Variants in IGFBP3 observed in about 807,000 individuals in gnomAD.
The protein encoded by IGFBP3 is insulin like growth factor binding protein 3.
IGFBP3 carries 9 observed loss-of-function variants against 28.6 expected under a neutral mutation model. The observed-to-expected ratio is 0.31, with a 90% CI of 0.19 to 0.55. The LOEUF (loss-of-function observed/expected upper bound fraction) is 0.55, where lower values mean the gene tolerates loss of function less well. Ranked by LOEUF, IGFBP3 falls within the 20% of genes least tolerant of loss-of-function variation. The pLI, the probability that IGFBP3 is intolerant of heterozygous loss-of-function variation, is 0.93. For synonymous variants in IGFBP3, 185 were observed against 188.2 expected, an observed-to-expected ratio of 0.98 and a Z score of 0.14; for missense variants, 382 against 428.9, an observed-to-expected ratio of 0.89 and a Z score of 0.97.
At chr7:45,914,042 A>G (rs1237828312) in intron 4 of IGFBP3, 1 of 152,200 alleles carries the variant, frequency 6.6e-6, no homozygotes. Context: ...TTACCCTTAA[A>G]TTAGAATTAT....
At chr7:45,917,750 T>C (rs879293321) in intron 1 of IGFBP3, among the ~76,000 whole-genome samples, 2 of 152,210 alleles carry the variant, frequency 1.3e-5, no homozygotes, top group African/African-American at 2.4e-5. Context: ...GTATGCTTCA[T>C]CTTCCACCGG....
In IGFBP3 at chr7:45,920,888, T is replaced by C. The variant is rs1184802024; in HGVS notation, c.253A>G (p.Thr85Ala). 10 of 1,436,022 alleles carry C rather than the reference T, an allele frequency of 7.0e-6. No individual in the cohort carries two copies. Among genetic ancestry groups the C allele is most frequent in the Non-Finnish European group, 9.1e-6 (10 of 1,102,140 alleles). The allele number at this position is 1,436,022 out of a possible 1,614,324, so 89.0% of individuals were successfully genotyped here. A position where few individuals can be genotyped will look rare whatever the true frequency, so the allele number is the denominator to read the frequency against. Residue 85 changes from threonine (T) to alanine (A), a missense_variant, in exon 1 of 5, where the codon ACC (threonine) becomes GCC (alanine). By Grantham distance (58) the Thr-to-Ala change is moderately conservative. Coordinates refer to ENST00000613132, the MANE Select transcript of IGFBP3 (RefSeq NM_000598.5). Reference protein sequence around the residue: ...LSEGQPCGIYTERCGSGLRCQ... With the variant: ...LSEGQPCGIYAERCGSGLRCQ... ...CGAAGGCCGGAGCCACAGCGCTCGG[T>C]GTAGATGCCGCACGGCTGGCCCTCG...
In IGFBP3 at chr7:45,920,955, C is replaced by T; in HGVS notation, c.186G>A (p.Val62=). Residue 62 remains valine (V), a synonymous_variant, in exon 1 of 5, where the codon GTG becomes GTA. Coordinates refer to ENST00000613132, the MANE Select transcript of IGFBP3 (RefSeq NM_000598.5). The part of the protein sequence containing the change: ...APPPAVCAEL[V]REPGCGCCLT... ...GGCAGCAGCCGCAGCCCGGCTCGCG[C>T]ACCAGCTCCGCGCACACGGCGGGCG... 1 of 1,368,924 alleles carries T rather than the reference C, an allele frequency of 7.3e-7. No individual in the cohort carries two copies. The highest frequency in any genetic ancestry group is 9.4e-7 in the Non-Finnish European group (1 of 1,068,632). 84.8% of individuals were successfully genotyped at this position (1,368,924 alleles called of 1,614,324 possible).
chr7:45,916,174 A>G (rs1031620462), intron 3 of IGFBP3, among the ~76,000 whole-genome samples: 2 of 152,168 alleles, frequency 1.3e-5, no homozygotes, highest in Non-Finnish European at 2.9e-5. Flanking sequence ...GAAACTGACT[A>G]TAATAGTTGT....
At chr7:45,914,401 T>C (rs1784580880) in intron 4 of IGFBP3, 1 of 153,876 alleles carries the variant, frequency 6.5e-6, no homozygotes, top group African/African-American at 2.4e-5. Flanking sequence ...ATCTTTAATT[T>C]AGAAACATGT....
In IGFBP3 at chr7:45,917,404, C is replaced by A; in HGVS notation, c.439G>T (p.Gly147Cys). Reference sequence around the variant, plus strand: ...GAGACGGACGGGCTCTCCACACTGCCGGCGCTGCGGTCTTCCTCCGACTCA... The same window carrying A: ...GAGACGGACGGGCTCTCCACACTGCAGGCGCTGCGGTCTTCCTCCGACTCA... Reference protein sequence around the residue: ...ASESEEDRSAGSVESPSVSST... With the variant: ...ASESEEDRSACSVESPSVSST... Residue 147 changes from glycine (G) to cysteine (C), a missense_variant, in exon 2 of 5, where the codon GGC becomes TGC. Transcript: ENST00000613132. 1.2e-6 allele frequency: 2 copies of A among 1,613,548 alleles called. No individual in the cohort carries two copies. Among genetic ancestry groups the A allele is most frequent in the Non-Finnish European group, 1.7e-6 (2 of 1,179,788 alleles).
rs1284606363 is a variant in IGFBP3, at chr7:45,912,578, T to C, written c.*1272A>G. On this transcript the variant is annotated 3_prime_UTR_variant, in exon 5 of 5. Transcript: ENST00000613132. ...CTGAGCCTGACTTTGCCAGACCTTC[T>C]TGGGTTTGGCCTCCGGGAGAGCAGC... 1 of 152,640 alleles carries C rather than the reference T, an allele frequency of 6.6e-6. No homozygotes were observed. The highest frequency in any genetic ancestry group is 1.5e-5 in the Non-Finnish European group (1 of 68,058). The allele number at this position is 152,640 out of a possible 1,614,324, so 9.5% of individuals were successfully genotyped here. A position where few individuals can be genotyped will look rare whatever the true frequency, so the allele number is the denominator to read the frequency against.
intron 3 of IGFBP3, 94 bp downstream of exon 3, chr7:45,916,454 A>C: frequency 3.9e-5 from 51 of 1,299,820 alleles, no homozygotes; most frequent in Non-Finnish European, 5.0e-5. Context: ...GCTCAGAGTT[A>C]GAGCTATGGC....
Position 45,917,207 on chromosome 7 carries a change from T to C in IGFBP3, c.630+6A>G. Reference sequence around the variant, plus strand: ...CTCCTCCTTTAACAAGAGGAAAAGCTCTCACATATTCTGTCTCCCGCTTGG... The same window carrying C: ...CTCCTCCTTTAACAAGAGGAAAAGCCCTCACATATTCTGTCTCCCGCTTGG... On this transcript the variant is annotated splice_donor_region_variant and intron_variant, in intron 2 of 4. Transcript: ENST00000613132. 6.2e-7 allele frequency: 1 copy of C among 1,604,714 alleles called. No homozygotes were observed. The highest frequency in any genetic ancestry group is 8.5e-7 in the Non-Finnish European group (1 of 1,171,528).
intron 1 of IGFBP3, chr7:45,920,470 T>G: frequency 2.6e-6 from 1 of 378,330 alleles, no homozygotes; most frequent in Non-Finnish European, 4.7e-6. Context: ...TCCCCTCAGC[T>G]CCGGAAACCT....
At chr7:45,916,472 G>T (rs893091757) in intron 3 of IGFBP3, 76 bp downstream of exon 3, 17 of 1,479,072 alleles carry the variant, frequency 1.1e-5, no homozygotes, top group Non-Finnish European at 1.6e-5. Flanking sequence ...GGCCAGAAGA[G>T]CCTGGGGGCT....
rs1411301009 is a variant in IGFBP3, at chr7:45,921,258, G to C, written c.-118C>G. The C allele has an allele frequency of 8.1e-7, 1 of 1,228,760 alleles. No homozygotes were observed. Among genetic ancestry groups the C allele is most frequent in the Non-Finnish European group, 1.1e-6 (1 of 884,090 alleles). 76.1% of individuals were successfully genotyped at this position (1,228,760 alleles called of 1,614,324 possible). A position where few individuals can be genotyped will look rare whatever the true frequency, so the allele number is the denominator to read the frequency against. On this transcript the variant is annotated 5_prime_UTR_variant, in exon 1 of 5. Transcript: ENST00000613132. The stretch of plus-strand genomic sequence containing the variant: ...AGCGGCTGATCCTCAGCGCCCAGCC[G>C]CAGTGCTCGCATCTGGGCGGCCCGG...
chr7:45,916,679 G>A lies in IGFBP3; in HGVS notation c.631-12C>T. 6.2e-7 allele frequency: 1 copy of A among 1,610,488 alleles called. No individual in the cohort carries two copies. The highest frequency in any genetic ancestry group is 1.3e-5 in the African/African-American group (1 of 75,016). On this transcript the variant is annotated splice_polypyrimidine_tract_variant and intron_variant, in intron 2 of 4. Transcript: ENST00000613132. The stretch of plus-strand genomic sequence containing the variant: ...CTACGGCAGGGACCCTGGGGATCAG[G>A]AAGGACCAGAGCAACAGAGTCACAG...
Position 45,912,429 on chromosome 7 carries a change from C to A in IGFBP3, c.*1421G>T, listed in dbSNP as rs528225249. 4 of 152,088 alleles carry A rather than the reference C, an allele frequency of 2.6e-5. No homozygotes were observed. In the South Asian group the frequency reaches 8.3e-4, roughly 32 times the overall value. 9.4% of individuals were successfully genotyped at this position (152,088 alleles called of 1,614,324 possible). On this transcript the variant is annotated 3_prime_UTR_variant, in exon 5 of 5. Transcript: ENST00000613132. ...AACTTCTCAAAAATACTTTTCCCCC[C>A]AAAAAGTTAAAAAAATAAAGAAAAG...
At position 45,917,264 on chromosome 7, in the gene IGFBP3, C is replaced by T; in HGVS notation, c.579G>A (p.Gln193=). ...AGGAGAAGTTCTGGGTATCTGTGCT[C>T]TGAGACTCGTAGTCAACTTTGTAGC... ...SQRYKVDYES[Q]STDTQNFSSE... Residue 193 remains glutamine, a synonymous_variant, in exon 2 of 5, where the codon CAG becomes CAA. Transcript: ENST00000613132. 6.2e-7 allele frequency: 1 copy of T among 1,614,094 alleles called. No individual in the cohort carries two copies. The highest frequency in any genetic ancestry group is 8.5e-7 in the Non-Finnish European group (1 of 1,180,008).
Position 45,921,058 on chromosome 7 carries a change from C to T in IGFBP3, c.83G>A (p.Gly28Asp). Residue 28 changes from glycine to aspartate, a missense_variant, in exon 1 of 5, where the codon GGC (glycine) becomes GAC (aspartate). Gly to Asp is a moderately conservative substitution (Grantham distance 94). Transcript: ENST00000613132. ...GGGACCCAAGCCCGCCGAGCTCGCG[C>T]CAGCCCGCGCCACCGGCGGCCCGCG... ...LLRGPPVARA[G>D]ASSAGLGPVV... 2 of 1,448,964 alleles carry T rather than the reference C, an allele frequency of 1.4e-6. No individual in the cohort carries two copies. Among genetic ancestry groups the T allele is most frequent in the Non-Finnish European group, 1.8e-6 (2 of 1,108,526 alleles). The allele number at this position is 1,448,964 out of a possible 1,614,324, so 89.8% of individuals were successfully genotyped here. A position where few individuals can be genotyped will look rare whatever the true frequency, so the allele number is the denominator to read the frequency against.
intron 3 of IGFBP3, among the ~76,000 whole-genome samples, chr7:45,916,110 T>C (rs899616688): frequency 6.6e-6 from 1 of 152,174 alleles, no homozygotes; most frequent in African/African-American, 2.4e-5. Context: ...AAGGGGACGA[T>C]TGTGGGATTT....
chr7:45,913,079 GTC>G lies in IGFBP3; in HGVS notation c.*769_*770del, dbSNP rs1338382689. The G allele has an allele frequency of 7.8e-6, 1 of 127,890 alleles. No homozygotes were observed. The highest frequency in any genetic ancestry group is 1.9e-5 in the Non-Finnish European group (1 of 52,090). The allele number at this position is 127,890 out of a possible 1,614,324, so 7.9% of individuals were successfully genotyped here. ...CTGAATGTGGAGGCTGACTCTCCCT[GTC>G]TCTCTGTCCCTCCTACCCCACGGGG... On this transcript the variant is annotated 3_prime_UTR_variant, in exon 5 of 5. Transcript: ENST00000613132.
Position 45,921,256 on chromosome 7 carries a change from C to T in IGFBP3, c.-116G>A. ...GAAGCGGCTGATCCTCAGCGCCCAG[C>T]CGCAGTGCTCGCATCTGGGCGGCCC... On this transcript the variant is annotated 5_prime_UTR_variant, in exon 1 of 5. Transcript: ENST00000613132. 2 of 1,255,212 alleles carry T rather than the reference C, an allele frequency of 1.6e-6. No individual in the cohort carries two copies. Among genetic ancestry groups the T allele is most frequent in the Non-Finnish European group, 2.2e-6 (2 of 907,610 alleles). The allele number at this position is 1,255,212 out of a possible 1,614,324, so 77.8% of individuals were successfully genotyped here. A position where few individuals can be genotyped will look rare whatever the true frequency, so the allele number is the denominator to read the frequency against.
Sources: gnomAD v4.1 joint callset for allele counts (sites outside exome capture counted in the v4.1 genomes callset) on GRCh38, gnomAD v4.1.1 for gene constraint, MANE v1.5 for transcripts, NCBI Gene and HGNC (gene_info 2026-07-23, HGNC 2026-07-21) for gene names.